CNTN3: variants seen among roughly 807,000 people sequenced by gnomAD.
CNTN3 encodes contactin 3, also known as contactin-3.
Under a neutral mutation model 119.1 loss-of-function variants are expected in CNTN3, and 60 were observed. The ratio of observed to expected loss-of-function variants is 0.50; its 90% CI spans 0.41 to 0.62. CNTN3 has a LOEUF of 0.62. Ranked by LOEUF, CNTN3 falls within the 20% of genes least tolerant of loss-of-function variation. The pLI is 0.00. For synonymous variants in CNTN3, 450 were observed against 438.7 expected, an observed-to-expected ratio of 1.03 and a Z score of -0.32; for missense variants, 1,101 against 1,242.4, an observed-to-expected ratio of 0.89 and a Z score of 1.71.
intron 3 of CNTN3, among the ~76,000 whole-genome samples, chr3:74,494,571 C>A (rs564583790): frequency 6.6e-6 from 1 of 151,946 alleles, no homozygotes; most frequent in African/African-American, 2.4e-5. Context: ...TTAAATGGAG[C>A]CAAAAAATAA....
chr3:74,363,538 CA>C, intron 10 of CNTN3, among the ~76,000 whole-genome samples: 2 of 152,126 alleles, frequency 1.3e-5, no homozygotes, highest in African/African-American at 4.8e-5. Context: ...TTAAATCATG[CA>C]GGGCCTTATC....
chr3:74,361,735 G>A (rs988480704), intron 11 of CNTN3, among the ~76,000 whole-genome samples, 155 bp downstream of exon 11: 1 of 152,098 alleles, frequency 6.6e-6, no homozygotes, highest in Non-Finnish European at 1.5e-5. Flanking sequence ...TCTTACAAAG[G>A]TATTAAAGAA....
chr3:74,404,080 C>A (rs1705262178), intron 5 of CNTN3, among the ~76,000 whole-genome samples: 1 of 152,046 alleles, frequency 6.6e-6, no homozygotes, highest in Non-Finnish European at 1.5e-5. Context: ...ACATCATAAA[C>A]CATTTCTGAT....
At chr3:74,448,171 G>A (rs780828737) in intron 4 of CNTN3, among the ~76,000 whole-genome samples, 10 of 152,156 alleles carry the variant, frequency 6.6e-5, no homozygotes, top group Non-Finnish European at 1.5e-4. Flanking sequence ...GTCTAGTTGA[G>A]AGCAGGACTA....
intron 3 of CNTN3, 58 bp from the exon 4 acceptor site, chr3:74,486,689 C>T (rs1417248916): frequency 7.3e-7 from 1 of 1,365,564 alleles, no homozygotes; most frequent in Non-Finnish European, 9.8e-7. Flanking sequence ...AAAGAAGGCT[C>T]TCCATTATAA....
intron 11 of CNTN3, among the ~76,000 whole-genome samples, chr3:74,352,680 A>G (rs545585084): frequency 2.0e-5 from 3 of 152,312 alleles, no homozygotes; most frequent in African/African-American, 7.2e-5. Context: ...TAAATTAGAA[A>G]ACAACATGGA....
chr3:74,414,687 A>C (rs1334689134), intron 5 of CNTN3, among the ~76,000 whole-genome samples: 2 of 152,138 alleles, frequency 1.3e-5, no homozygotes, highest in Non-Finnish European at 2.9e-5. Context: ...TTTGGACTTT[A>C]TCTGTGTAAG....
chr3:74,467,540 G>A (rs1455674048), intron 4 of CNTN3, among the ~76,000 whole-genome samples: 5 of 152,066 alleles, frequency 3.3e-5, no homozygotes, highest in Non-Finnish European at 7.4e-5. Context: ...AGAAATTACA[G>A]AATATTTTTA....
In CNTN3 at chr3:74,264,363, C is replaced by CA. The variant is rs747221341; in HGVS notation, c.*37dup. 1 of 1,224,254 alleles carries CA rather than the reference C, an allele frequency of 8.2e-7. No individual in the cohort carries two copies. 75.8% of individuals were successfully genotyped at this position (1,224,254 alleles called of 1,614,324 possible). ...TCATGAAAGCACTTTTTTTGGTAAC[C>CA]AAATAACTTTCCAATAAATAATAAA... is the stretch of plus-strand genomic sequence containing the variant. On this transcript the variant is annotated 3_prime_UTR_variant, in exon 23 of 23. Coordinates refer to ENST00000263665, the MANE Select transcript of CNTN3 (RefSeq NM_020872.3).
At chr3:74,472,370 T>C (rs1376805548) in intron 4 of CNTN3, among the ~76,000 whole-genome samples, 3 of 152,160 alleles carry the variant, frequency 2.0e-5, no homozygotes, top group Non-Finnish European at 1.5e-5. Context: ...TAGGTAAACA[T>C]AGCAAGTCCA....
chr3:74,461,418 T>A (rs571254632), intron 4 of CNTN3, among the ~76,000 whole-genome samples: 49 of 152,156 alleles, frequency 3.2e-4, no homozygotes, highest in African/African-American at 1.0e-3. Flanking sequence ...TGTTCTTCTA[T>A]CCCCTAAATT....
At chr3:74,340,631 T>C (rs1389824769) in intron 11 of CNTN3, among the ~76,000 whole-genome samples, 2 of 152,136 alleles carry the variant, frequency 1.3e-5, no homozygotes, top group African/African-American at 4.8e-5. Context: ...AGAATTTTAA[T>C]ATGCAAAGAC....
chr3:74,286,439 G>A (rs1380511480), intron 19 of CNTN3, among the ~76,000 whole-genome samples: 1 of 151,972 alleles, frequency 6.6e-6, no homozygotes, highest in African/African-American at 2.4e-5. Flanking sequence ...AGGGCTTATA[G>A]ACCTAAAAAA....
At chr3:74,374,550 G>A (rs902658342) in intron 5 of CNTN3, among the ~76,000 whole-genome samples, 1 of 151,708 alleles carries the variant, frequency 6.6e-6, no homozygotes, top group African/African-American at 2.4e-5. Context: ...CTTTAAATAC[G>A]CAAACTGACT....
chr3:74,566,360 TA>T (rs112972129), intron 1 of CNTN3, among the ~76,000 whole-genome samples: 7,516 of 152,208 alleles, frequency 0.049, 599 homozygotes, highest in African/African-American at 0.16. Context: ...AGGGCTGCTG[TA>T]ACAAATTACC....
chr3:74,576,288 C>T (rs1320144837), intron 1 of CNTN3, among the ~76,000 whole-genome samples: 13 of 152,268 alleles, frequency 8.5e-5, no homozygotes, highest in Non-Finnish European at 2.9e-5. Flanking sequence ...GAAAACAACA[C>T]AGTCCCCTGA....
intron 4 of CNTN3, among the ~76,000 whole-genome samples, chr3:74,462,326 T>C (rs545153511): frequency 2.2e-4 from 33 of 152,212 alleles, no homozygotes; most frequent in Admixed American, 5.9e-4. Flanking sequence ...TCAAATTCCA[T>C]ACAAAGACAT....
At chr3:74,484,907 T>C (rs1702824620) in intron 4 of CNTN3, among the ~76,000 whole-genome samples, 1 of 151,996 alleles carries the variant, frequency 6.6e-6, no homozygotes, top group Admixed American at 6.5e-5. Context: ...GCATGAAACA[T>C]ACTTGAATTT....
At chr3:74,275,617 A>C (rs1701863766) in intron 20 of CNTN3, among the ~76,000 whole-genome samples, 1 of 152,146 alleles carries the variant, frequency 6.6e-6, no homozygotes, top group Admixed American at 6.6e-5. Context: ...TGCTAAAAGG[A>C]GCTCTAAATC....
Sources: allele counts gnomAD v4.1 joint callset (sites outside exome capture counted in the v4.1 genomes callset), GRCh38; gene constraint gnomAD v4.1.1; transcripts MANE v1.5; gene names NCBI Gene and HGNC (gene_info 2026-07-23, HGNC 2026-07-21).